PCNT: variants seen among roughly 807,000 people sequenced by gnomAD.
PCNT encodes the protein kendrin.
In PCNT, 319 loss-of-function variants were observed where a neutral mutation model predicts 380.4. That is an observed-to-expected ratio of 0.84 (90% CI 0.77 to 0.92). The LOEUF (loss-of-function observed/expected upper bound fraction) is 0.92, where lower values mean the gene tolerates loss of function less well. PCNT is among the 40% of genes least tolerant of loss of function. The probability of loss-of-function intolerance (pLI) is 0.00; values close to 1 mark genes in which losing one functional copy is unlikely to be tolerated. For missense variants in PCNT, 4,400 were observed against 4,255.3 expected, an observed-to-expected ratio of 1.03 and a Z score of -0.95; for synonymous variants, 1,845 against 1,735.2, an observed-to-expected ratio of 1.06 and a Z score of -1.57.
intron 3 of PCNT, among the ~76,000 whole-genome samples, chr21:46,339,450 C>T (rs893101447): frequency 6.6e-6 from 1 of 152,126 alleles, no homozygotes; most frequent in Non-Finnish European, 1.5e-5. Flanking sequence ...AGCATCGAGT[C>T]ACATAATCAC....
intron 14 of PCNT, among the ~76,000 whole-genome samples, chr21:46,365,702 G>A (rs936563460): frequency 6.2e-5 from 9 of 144,396 alleles, no homozygotes; most frequent in East Asian, 2.2e-4. Context: ...CCTCACTGCT[G>A]TGGGGTTCTG....
chr21:46,397,280 T>C lies in PCNT; in HGVS notation c.4232T>C (p.Val1411Ala). The change falls in exon 22 of 47, where the codon GTG (valine) becomes GCG (alanine). Residue 1411 changes from valine (V) to alanine (A), a missense_variant. By Grantham distance (64) the Val-to-Ala change is moderately conservative. Transcript: ENST00000359568. Reference protein sequence around the residue: ...EAREAALRKEVEDLTKEQSET... With the variant: ...EAREAALRKEAEDLTKEQSET... ...GCATCCTTAGCTCTCCGGAAGGAAG[T>C]GGAGGATCTGACCAAAGAACAGTCG... The C allele has an allele frequency of 6.2e-7, 1 of 1,613,968 alleles. No homozygotes were observed. Among genetic ancestry groups the C allele is most frequent in the Non-Finnish European group, 8.5e-7 (1 of 1,179,922 alleles).
intron 4 of PCNT, among the ~76,000 whole-genome samples, chr21:46,346,419 A>G (rs749377458): frequency 4.6e-5 from 7 of 152,162 alleles, no homozygotes; most frequent in Non-Finnish European, 8.8e-5. Flanking sequence ...GGTGCAGGCC[A>G]CATGAATGAC....
chr21:46,439,916 C>T (rs1464909573), intron 41 of PCNT, among the ~76,000 whole-genome samples, 167 bp from the exon 42 acceptor site: 1 of 152,200 alleles, frequency 6.6e-6, no homozygotes, highest in Non-Finnish European at 1.5e-5. Flanking sequence ...ACGGCGTAAC[C>T]TAGGCCCTGC....
At position 46,411,506 on chromosome 21, in the gene PCNT, C is replaced by A. The variant is rs767119949; in HGVS notation, c.5433C>A (p.Arg1811=). ...ALSRLLADQE[R]RHSQALEALQ... ...GCCGGCTGCTGGCTGACCAGGAGCG[C>A]AGGCACAGCCAGGCCCTGGAGGCCC... Residue 1811 remains arginine, a synonymous_variant, in exon 28 of 47, where the codon CGC becomes CGA. Transcript: ENST00000359568. 4 of 1,609,200 alleles carry A rather than the reference C, an allele frequency of 2.5e-6. No individual in the cohort carries two copies. The South Asian group carries it at 4.4e-5, about 18-fold the overall frequency.
chr21:46,374,020 G>A (rs369786620), intron 15 of PCNT, among the ~76,000 whole-genome samples: 1 of 152,116 alleles, frequency 6.6e-6, no homozygotes, highest in African/African-American at 2.4e-5. Flanking sequence ...GAGCCACTGC[G>A]CCCGGCCGCT....
At chr21:46,414,065 C>T (rs1276753189) in intron 29 of PCNT, among the ~76,000 whole-genome samples, 1 of 151,496 alleles carries the variant, frequency 6.6e-6, no homozygotes, top group Non-Finnish European at 1.5e-5. Context: ...GATCTCAGCT[C>T]ACTGCAACCT....
At chr21:46,402,251 T>G in intron 26 of PCNT, 80 bp from the exon 27 acceptor site, 1 of 997,840 alleles carries the variant, frequency 1.0e-6, no homozygotes, top group East Asian at 2.7e-5. Flanking sequence ...CTCAAAGCTA[T>G]TTTAATAATG....
intron 16 of PCNT, 122 bp downstream of exon 16, chr21:46,381,962 T>C: frequency 2.7e-6 from 3 of 1,112,464 alleles, no homozygotes; most frequent in Non-Finnish European, 4.1e-6. Context: ...TTTATAGTGT[T>C]GTACATTCAG....
At position 46,353,178 on chromosome 21, in the gene PCNT, C is replaced by T. The variant is rs754991242; in HGVS notation, c.1531C>T (p.Gln511Ter). 1 of 1,614,118 alleles carries T rather than the reference C, an allele frequency of 6.2e-7. No individual in the cohort carries two copies. The highest frequency in any genetic ancestry group is 8.5e-7 in the Non-Finnish European group (1 of 1,180,030). Residue 511 changes from glutamine to a stop codon, truncating the protein, a stop_gained, in exon 10 of 47, where the codon CAG becomes TAG. Coordinates refer to ENST00000359568, the MANE Select transcript of PCNT (RefSeq NM_006031.6). LOFTEE classifies it high-confidence loss of function. ...LEQLKQREKT[Q>*]HESELEQLRI... ...ACAGCTGAAGCAGCGAGAAAAAACC[C>T]AGCATGAGTCCGAACTGGAGCAACT...
intron 3 of PCNT, among the ~76,000 whole-genome samples, chr21:46,335,817 C>T (rs1347073383): frequency 6.6e-6 from 1 of 151,764 alleles, no homozygotes; most frequent in Non-Finnish European, 1.5e-5. Context: ...TCCCAAGTAG[C>T]TGTGATTATA....
At chr21:46,375,659 T>C (rs889095052) in intron 15 of PCNT, among the ~76,000 whole-genome samples, 5 of 152,160 alleles carry the variant, frequency 3.3e-5, no homozygotes, top group African/African-American at 1.2e-4. Flanking sequence ...CTCGACATTG[T>C]GGCCGAGCCG....
At position 46,388,605 on chromosome 21, in the gene PCNT, C is replaced by A; in HGVS notation, c.3465-137C>A. On this transcript the variant is annotated intron_variant, in intron 17 of 46. Transcript: ENST00000359568. This position sits in a 1 kb window ranked among gnomAD's most constrained non-coding sequence, Gnocchi z 4.2. ...CCTGTGCTCACATGGGCATGAGGAT[C>A]ATGTCTTCCGGCCCCGTGGGGACAG... 1 of 1,078,960 alleles carries A rather than the reference C, an allele frequency of 9.3e-7. No individual in the cohort carries two copies. The highest frequency in any genetic ancestry group is 1.4e-6 in the Non-Finnish European group (1 of 713,266). 66.8% of individuals were successfully genotyped at this position (1,078,960 alleles called of 1,614,324 possible). A position where few individuals can be genotyped will look rare whatever the true frequency, so the allele number is the denominator to read the frequency against.
At chr21:46,336,448 T>A (rs938489588) in intron 3 of PCNT, among the ~76,000 whole-genome samples, 2 of 152,174 alleles carry the variant, frequency 1.3e-5, no homozygotes, top group Non-Finnish European at 2.9e-5. Context: ...CATCACAGCT[T>A]AGTGTAGCCT....
intron 12 of PCNT, 79 bp from the exon 13 acceptor site, chr21:46,356,895 C>T (rs926922564): frequency 2.3e-5 from 28 of 1,199,876 alleles, no homozygotes; most frequent in Non-Finnish European, 3.2e-5. Flanking sequence ...TATAGGTTGC[C>T]GTTCTGCCTG....
At chr21:46,418,063 T>C (rs1328537885) in intron 30 of PCNT, 141 bp from the exon 31 acceptor site, 6 of 657,730 alleles carry the variant, frequency 9.1e-6, no homozygotes, top group Non-Finnish European at 1.7e-5. Flanking sequence ...ATTCGACCTG[T>C]GTGTTCACCA....
At chr21:46,358,628 G>GTTGTTTTGT (rs2084566548) in intron 13 of PCNT, among the ~76,000 whole-genome samples, 1 of 142,190 alleles carries the variant, frequency 7.0e-6, no homozygotes, top group Admixed American at 7.0e-5. Flanking sequence ...TTGTTGTTTT[G>GTTGTTTTGT]TTTTTTTTTT....
At chr21:46,419,068 T>C (rs1202083608) in intron 31 of PCNT, among the ~76,000 whole-genome samples, 1 of 152,232 alleles carries the variant, frequency 6.6e-6, no homozygotes, top group Non-Finnish European at 1.5e-5. Context: ...CGTCCTTTTT[T>C]TCATTTCATA....
At chr21:46,324,418 G>T (rs1403284232) in intron 1 of PCNT, 136 bp downstream of exon 1, 1 of 795,450 alleles carries the variant, frequency 1.3e-6, no homozygotes, top group Non-Finnish European at 2.1e-6. Flanking sequence ...TTTTCCCGCC[G>T]GCTCCGCTGG....
Sources: allele counts gnomAD v4.1 joint callset (sites outside exome capture counted in the v4.1 genomes callset), GRCh38; gene constraint gnomAD v4.1.1; non-coding constraint Gnocchi (gnomAD v3.1); transcripts MANE v1.5; gene names NCBI Gene and HGNC (gene_info 2026-07-23, HGNC 2026-07-21).